CSPG4: variants seen among roughly 807,000 people sequenced by gnomAD.
The protein encoded by CSPG4 is chondroitin sulfate proteoglycan 4, also known as chondroitin sulfate proteoglycan 4 (melanoma-associated).
CSPG4 carries 74 observed loss-of-function variants against 139.3 expected under a neutral mutation model. The ratio of observed to expected loss-of-function variants is 0.53; its 90% CI spans 0.44 to 0.64. The LOEUF (loss-of-function observed/expected upper bound fraction) is 0.64, where lower values mean the gene tolerates loss of function less well. CSPG4 is among the 30% of genes least tolerant of loss of function. CSPG4 has a pLI of 0.00. For missense variants in CSPG4, 2,565 were observed against 3,148.3 expected (o/e 0.81, Z 4.43); for synonymous variants, 1,234 against 1,394.2 (o/e 0.89, Z 2.56).
At chr15:75,685,821 C>T (rs1239772198) in intron 3 of CSPG4, 120 bp from the exon 4 acceptor site, 11 of 1,092,706 alleles carry the variant, frequency 1.0e-5, no homozygotes, top group Non-Finnish European at 1.3e-5. Flanking sequence ...CTCTAGATAC[C>T]ACTGCTCATT....
chr15:75,677,164 C>T lies in CSPG4; in HGVS notation c.5355G>A (p.Val1785=). 7.0e-7 allele frequency: 1 copy of T among 1,434,336 alleles called. No homozygotes were observed. The highest frequency in any genetic ancestry group is 9.2e-7 in the Non-Finnish European group (1 of 1,091,576). The allele number at this position is 1,434,336 out of a possible 1,614,324, so 88.9% of individuals were successfully genotyped here. A position where few individuals can be genotyped will look rare whatever the true frequency, so the allele number is the denominator to read the frequency against. ...GGGTGCCCCCACCGCCGTGGGCATA[C>T]ACTAGCTGCCCTGCAGCCAGCTGGG... ...LQSQLAAGQL[V]YAHGGGGTQQ... is the part of the protein sequence containing the mutation. Residue 1785 remains valine, a synonymous_variant, in exon 10 of 10, where the codon GTG becomes GTA. Transcript: ENST00000308508.
chr15:75,692,002 A>G (rs1894170623), intron 2 of CSPG4, among the ~76,000 whole-genome samples: 1 of 151,734 alleles, frequency 6.6e-6, no homozygotes. Flanking sequence ...TTTTTTTGAG[A>G]CGGAGTTTGG....
chr15:75,685,164 T>A, intron 4 of CSPG4, 55 bp downstream of exon 4: 1 of 1,508,088 alleles, frequency 6.6e-7, no homozygotes, highest in Non-Finnish European at 8.9e-7. Flanking sequence ...CAGGGCTCCC[T>A]CCACTCTGCC....
chr15:75,688,097 G>A lies in CSPG4; in HGVS notation c.2968C>T (p.Arg990Cys), dbSNP rs377568097. 8 of 1,612,716 alleles carry A rather than the reference G, an allele frequency of 5.0e-6. No homozygotes were observed. The highest frequency in any genetic ancestry group is 2.2e-5 in the East Asian group (1 of 44,900). ...ATGTCACCACTGCTCTCGCCCTGGCGGGTAGCAACAAATGGGATATCATCT... is the reference window on the plus strand; with the variant it reads ...ATGTCACCACTGCTCTCGCCCTGGCAGGTAGCAACAAATGGGATATCATCT... Reference protein sequence around the residue: ...TEDDIPFVATRQGESSGDMAW... With the variant: ...TEDDIPFVATCQGESSGDMAW... Residue 990 changes from arginine (R) to cysteine (C), a missense_variant, in exon 3 of 10, where the codon CGC (arginine) becomes TGC (cysteine). Transcript: ENST00000308508.
chr15:75,686,929 C>T (rs1345461957), intron 3 of CSPG4, among the ~76,000 whole-genome samples: 3 of 152,112 alleles, frequency 2.0e-5, no homozygotes, highest in African/African-American at 7.2e-5. Flanking sequence ...GCTCAGGACC[C>T]GTGATGTCCT....
chr15:75,707,592 C>T (rs1192338530), intron 1 of CSPG4, among the ~76,000 whole-genome samples: 1 of 152,218 alleles, frequency 6.6e-6, no homozygotes, highest in Non-Finnish European at 1.5e-5. Flanking sequence ...GAAGCTGGGA[C>T]CACCTTCTGC....
chr15:75,687,850 T>A lies in CSPG4; in HGVS notation c.3215A>T (p.Asp1072Val), dbSNP rs775837921. 1 of 1,612,912 alleles carries A rather than the reference T, an allele frequency of 6.2e-7. No individual in the cohort carries two copies. The highest frequency in any genetic ancestry group is 8.5e-7 in the Non-Finnish European group (1 of 1,180,034). ...GCGGTAGATGGGCCGCGTGGGCTCA[T>A]CTACGGCCACGATACTGCCAAAGAG... ...DLLFGSIVAV[D>V]EPTRPIYRFT... The change falls in exon 3 of 10, where the codon GAT (aspartate) becomes GTT (valine). Residue 1072 changes from aspartate to valine, a missense_variant. Asp to Val is a radical substitution (Grantham distance 152). Coordinates refer to ENST00000308508, the MANE Select transcript of CSPG4 (RefSeq NM_001897.5). The surrounding 1 kb of genome is among the most constrained non-coding windows in gnomAD (Gnocchi z 5.4).
intron 1 of CSPG4, among the ~76,000 whole-genome samples, chr15:75,706,261 C>A (rs988281425): frequency 6.6e-6 from 1 of 152,196 alleles, no homozygotes; most frequent in South Asian, 2.1e-4. Context: ...GTGGACTGGC[C>A]CAGGCCAGAG....
Position 75,688,208 on chromosome 15 carries a change from T to G in CSPG4, c.2857A>C (p.Lys953Gln). ...GRLAWRGTQDKTTMVTSFTNE... is the reference protein window; with the variant it reads ...GRLAWRGTQDQTTMVTSFTNE... ...GTGAAGGATGTCACCATAGTGGTCTTGTCCTGTGTCCCACGCCAAGCCAAC... is the reference window on the plus strand; with the variant it reads ...GTGAAGGATGTCACCATAGTGGTCTGGTCCTGTGTCCCACGCCAAGCCAAC... The change falls in exon 3 of 10, where the codon AAG (lysine) becomes CAG (glutamine). Residue 953 changes from lysine to glutamine, a missense_variant. Coordinates refer to ENST00000308508, the MANE Select transcript of CSPG4 (RefSeq NM_001897.5). 6.2e-7 allele frequency: 1 copy of G among 1,612,920 alleles called. No individual in the cohort carries two copies. Among genetic ancestry groups the G allele is most frequent in the South Asian group, 1.1e-5 (1 of 91,086 alleles).
At chr15:75,691,740 G>A (rs556878313) in intron 2 of CSPG4, among the ~76,000 whole-genome samples, 3 of 152,262 alleles carry the variant, frequency 2.0e-5, no homozygotes, top group Admixed American at 6.5e-5. Flanking sequence ...GCTCTGGTAC[G>A]GTGCTCCCAG....
rs375143693 is a variant in CSPG4 at position 75,676,264 on chromosome 15, G to T, written c.6255C>A (p.Leu2085=). ...NRTGSVPRFR[L]LEGPRHGRVV... The stretch of plus-strand genomic sequence containing the variant: ...CGCGGCCATGCCGGGGTCCCTCCAG[G>T]AGGCGGAAGCGCGGCACACTGCCTG... The change falls in exon 10 of 10, where the codon CTC becomes CTA. Residue 2085 remains leucine (L), a synonymous_variant. Coordinates refer to ENST00000308508, the MANE Select transcript of CSPG4 (RefSeq NM_001897.5). 7.0e-6 allele frequency: 11 copies of T among 1,572,934 alleles called. No individual in the cohort carries two copies. Among genetic ancestry groups the T allele is most frequent in the Non-Finnish European group, 9.4e-6 (11 of 1,164,842 alleles).
chr15:75,693,696 C>T (rs1318989116), intron 1 of CSPG4, among the ~76,000 whole-genome samples: 1 of 152,266 alleles, frequency 6.6e-6, no homozygotes. Flanking sequence ...AGACTGATCC[C>T]TGCTCAGATT....
At chr15:75,686,279 A>G (rs12913388) in intron 3 of CSPG4, among the ~76,000 whole-genome samples, 48,415 of 151,740 alleles carry the variant, frequency 0.32, 7,557 homozygotes, top group Non-Finnish European at 0.4. Flanking sequence ...GTGTGCACAC[A>G]CACACACACA....
chr15:75,702,400 G>T (rs1315173137), intron 1 of CSPG4, among the ~76,000 whole-genome samples: 2 of 152,252 alleles, frequency 1.3e-5, no homozygotes, highest in Non-Finnish European at 2.9e-5. Flanking sequence ...CTGTGTCCTT[G>T]GGGTGCAAAG....
rs1894117593 is a variant in CSPG4, at chr15:75,689,165, G to C, written c.1900C>G (p.Pro634Ala). Residue 634 changes from proline (P) to alanine (A), a missense_variant, in exon 3 of 10, where the codon CCT (proline) becomes GCT (alanine). Physicochemically the swap from Pro to Ala is conservative, Grantham distance 27 (BLOSUM62 -1). Coordinates refer to ENST00000308508, the MANE Select transcript of CSPG4 (RefSeq NM_001897.5). ...GSLVYVHRGG[P>A]AQDLTFRVSD... ...ACCCGGAACGTCAAGTCCTGTGCAGGACCACCGCGGTGGACATAGACTAGG... is the reference window on the plus strand; with the variant it reads ...ACCCGGAACGTCAAGTCCTGTGCAGCACCACCGCGGTGGACATAGACTAGG... The C allele has an allele frequency of 6.2e-7, 1 of 1,601,478 alleles. No homozygotes were observed. Among genetic ancestry groups the C allele is most frequent in the African/African-American group, 1.3e-5 (1 of 74,760 alleles).
Position 75,676,015 on chromosome 15 carries a change from G to C in CSPG4, c.6504C>G (p.Ala2168=), listed in dbSNP as rs775288670. The change falls in exon 10 of 10, where the codon GCC becomes GCG. Residue 2168 remains alanine, a synonymous_variant. Transcript: ENST00000308508. Reference sequence around the variant, plus strand: ...TGAGCAGGGCCACGCTGTAGGGCCGGGCAGCATTGTAAGGCTCAGTGGCAA... The same window carrying C: ...TGAGCAGGGCCACGCTGTAGGGCCGCGCAGCATTGTAAGGCTCAGTGGCAA... ...LDFATEPYNA[A]RPYSVALLSV... 2 of 1,563,618 alleles carry C rather than the reference G, an allele frequency of 1.3e-6. No homozygotes were observed. Among genetic ancestry groups the C allele is most frequent in the African/African-American group, 2.7e-5 (2 of 74,208 alleles).
At chr15:75,700,470 C>G (rs1329471015) in intron 1 of CSPG4, among the ~76,000 whole-genome samples, 1 of 152,070 alleles carries the variant, frequency 6.6e-6, no homozygotes, top group African/African-American at 2.4e-5. Context: ...TGGGGCTGGC[C>G]GAATCGGGAG....
At chr15:75,690,958 T>C in intron 2 of CSPG4, 146 bp from the exon 3 acceptor site, 2 of 837,022 alleles carry the variant, frequency 2.4e-6, no homozygotes, top group Non-Finnish European at 3.6e-6. Context: ...GCGGATCACC[T>C]GAGGTTAGGA....
At chr15:75,703,373 G>A (rs993834960) in intron 1 of CSPG4, among the ~76,000 whole-genome samples, 2 of 151,736 alleles carry the variant, frequency 1.3e-5, no homozygotes. Flanking sequence ...AAGCCGTGAG[G>A]GGAGACTGAA....
Sources: allele counts gnomAD v4.1 joint callset (sites outside exome capture counted in the v4.1 genomes callset), GRCh38; gene constraint gnomAD v4.1.1; non-coding constraint Gnocchi (gnomAD v3.1); transcripts MANE v1.5; gene names NCBI Gene and HGNC (gene_info 2026-07-23, HGNC 2026-07-21).